The following SLC25A36 variants were observed in gnomAD, a reference collection of about 807,000 sequenced individuals.
SLC25A36 encodes the protein epididymis secretory sperm binding protein.
A neutral mutation model predicts 35.3 loss-of-function variants in SLC25A36; 24 were observed. The observed-to-expected ratio is 0.68, with a 90% CI of 0.49 to 0.96. The LOEUF (loss-of-function observed/expected upper bound fraction) is 0.96, where lower values mean the gene tolerates loss of function less well. SLC25A36 is among the 40% of genes least tolerant of loss of function. SLC25A36 has a pLI of 0.00. For missense variants in SLC25A36, 294 were observed against 381.1 expected (o/e 0.77, Z 1.90); for synonymous variants, 141 against 132.2 (o/e 1.07, Z -0.46).
chr3:140,948,462 G>A (rs1934228363), intron 1 of SLC25A36, among the ~76,000 whole-genome samples: 1 of 152,048 alleles, frequency 6.6e-6, no homozygotes, highest in Non-Finnish European at 1.5e-5. Context: ...GATTACAAGC[G>A]TGAGCCACCG....
At position 140,965,465 on chromosome 3, in the gene SLC25A36, C is replaced by T. The variant is rs376474102; in HGVS notation, c.385+2238C>T. ...TGATACTGCCTGCAAGATTTTAACACACCAGATAGCACACACATTAAGGAT... is the reference window on the plus strand; with the variant it reads ...TGATACTGCCTGCAAGATTTTAACATACCAGATAGCACACACATTAAGGAT... On this transcript the variant is annotated intron_variant, in intron 4 of 6. Coordinates refer to ENST00000324194, the MANE Select transcript of SLC25A36 (RefSeq NM_001104647.3). 5.3e-5 allele frequency: 8 copies of T among 151,904 alleles called. No individual in the cohort carries two copies. In the East Asian group the frequency reaches 1.4e-3, roughly 26 times the overall value. The allele number at this position is 151,904 out of a possible 1,614,324, so 9.4% of individuals were successfully genotyped here.
Position 140,976,933 on chromosome 3 carries a change from T to A in SLC25A36, c.*480T>A, listed in dbSNP as rs1435404644. On this transcript the variant is annotated 3_prime_UTR_variant, in exon 7 of 7. Transcript: ENST00000324194. ...TTCCCTGAGAGGACCTGGCACAATA[T>A]TTTAAATTTAATTATTTGGCAGTAG... 1 of 152,246 alleles carries A rather than the reference T, an allele frequency of 6.6e-6. No individual in the cohort carries two copies. The highest frequency in any genetic ancestry group is 1.5e-5 in the Non-Finnish European group (1 of 68,076). 9.4% of individuals were successfully genotyped at this position (152,246 alleles called of 1,614,324 possible).
intron 1 of SLC25A36, among the ~76,000 whole-genome samples, chr3:140,943,592 A>G (rs1934081413): frequency 1.3e-5 from 2 of 152,212 alleles, no homozygotes; most frequent in South Asian, 2.1e-4. Flanking sequence ...AATTAGATCT[A>G]TAACCCTGAA....
intron 1 of SLC25A36, among the ~76,000 whole-genome samples, chr3:140,945,185 G>T (rs1283427156): frequency 6.6e-6 from 1 of 152,186 alleles, no homozygotes; most frequent in East Asian, 1.9e-4. Context: ...CGTAGTAGGA[G>T]AGGCTAGCCA....
At chr3:140,974,032 AAATATTTTC>A in intron 6 of SLC25A36, 27 bp downstream of exon 6, 1 of 1,479,874 alleles carries the variant, frequency 6.8e-7, no homozygotes, top group Non-Finnish European at 9.1e-7. Context: ...ATTAAATCAG[AAATATTTTC>A]CCACCCCAGC....
rs1210330890 is a variant in SLC25A36 at position 140,979,546 on chromosome 3, G to T, written c.*3093G>T. 6.6e-6 allele frequency: 1 copy of T among 152,064 alleles called. No individual in the cohort carries two copies. The highest frequency in any genetic ancestry group is 1.5e-5 in the Non-Finnish European group (1 of 67,990). 9.4% of individuals were successfully genotyped at this position (152,064 alleles called of 1,614,324 possible). ...CCTAAGAATATAGGTATTTCTGAAT[G>T]ATTTAAATTTGAGGAATTTTAATAC... On this transcript the variant is annotated 3_prime_UTR_variant, in exon 7 of 7. Coordinates refer to ENST00000324194, the MANE Select transcript of SLC25A36 (RefSeq NM_001104647.3).
intron 6 of SLC25A36, 30 bp from the exon 7 acceptor site, chr3:140,976,230 A>G (rs974507129): frequency 2.2e-6 from 3 of 1,393,130 alleles, no homozygotes; most frequent in Admixed American, 3.7e-5. Flanking sequence ...AGATATCAGT[A>G]ATGTTTAATT....
intron 4 of SLC25A36, chr3:140,967,118 AG>A: frequency 2.2e-6 from 1 of 449,026 alleles, no homozygotes; most frequent in Non-Finnish European, 4.5e-6. Context: ...TGGAATTAGA[AG>A]GCGGGAAATT....
intron 1 of SLC25A36, among the ~76,000 whole-genome samples, chr3:140,955,721 C>A (rs954042497): frequency 1.5e-4 from 23 of 152,038 alleles, no homozygotes; most frequent in African/African-American, 5.6e-4. Flanking sequence ...GAGACAGGGT[C>A]TCACTCTGTT....
rs1282239425 is a variant in SLC25A36 at position 140,968,381 on chromosome 3, T to C, written c.386-2546T>C. ...AAAGAGCTAGCTCTCATTGGGAGAG[T>C]TGAGCCAGAGCAACCATAGTAAACA... On this transcript the variant is annotated intron_variant, in intron 4 of 6. Coordinates refer to ENST00000324194, the MANE Select transcript of SLC25A36 (RefSeq NM_001104647.3). The C allele has an allele frequency of 6.6e-6, 6 of 906,518 alleles. No homozygotes were observed. The African/African-American group carries it at 7.2e-5, about 11-fold the overall frequency. 56.2% of individuals were successfully genotyped at this position (906,518 alleles called of 1,614,324 possible).
At chr3:140,957,611 C>A (rs963683319) in intron 2 of SLC25A36, among the ~76,000 whole-genome samples, 1 of 151,888 alleles carries the variant, frequency 6.6e-6, no homozygotes, top group East Asian at 1.9e-4. Flanking sequence ...TGTGGTGGTG[C>A]GCACCTGTAA....
At chr3:140,947,870 AGT>A (rs1437326930) in intron 1 of SLC25A36, among the ~76,000 whole-genome samples, 1 of 152,248 alleles carries the variant, frequency 6.6e-6, no homozygotes, top group Non-Finnish European at 1.5e-5. Flanking sequence ...TAGTTATACA[AGT>A]GTACTACCAG....
In SLC25A36 at chr3:140,942,035, G is replaced by A; in HGVS notation, c.-20G>A. 1 of 1,433,140 alleles carries A rather than the reference G, an allele frequency of 7.0e-7. No homozygotes were observed. Among genetic ancestry groups the A allele is most frequent in the Non-Finnish European group, 9.5e-7 (1 of 1,051,348 alleles). 88.8% of individuals were successfully genotyped at this position (1,433,140 alleles called of 1,614,324 possible). A position where few individuals can be genotyped will look rare whatever the true frequency, so the allele number is the denominator to read the frequency against. ...GATCCGCGTCCCGCCTCAGCGGCCG[G>A]AGGACATGCGGGAGAGAGAATGAGC... On this transcript the variant is annotated 5_prime_UTR_variant, in exon 1 of 7. Transcript: ENST00000324194.
Position 140,977,354 on chromosome 3 carries a change from T to C in SLC25A36, c.*901T>C, listed in dbSNP as rs551651045. 1 of 152,318 alleles carries C rather than the reference T, an allele frequency of 6.6e-6. No individual in the cohort carries two copies. The highest frequency in any genetic ancestry group is 2.1e-4 in the South Asian group (1 of 4,830). 9.4% of individuals were successfully genotyped at this position (152,318 alleles called of 1,614,324 possible). A position where few individuals can be genotyped will look rare whatever the true frequency, so the allele number is the denominator to read the frequency against. On this transcript the variant is annotated 3_prime_UTR_variant, in exon 7 of 7. Coordinates refer to ENST00000324194, the MANE Select transcript of SLC25A36 (RefSeq NM_001104647.3). Reference sequence around the variant, plus strand: ...GCTTTCACATTAAGAATTTGAACTTTTGAGTTTTTTCCAGGTCTATATATA... The same window carrying C: ...GCTTTCACATTAAGAATTTGAACTTCTGAGTTTTTTCCAGGTCTATATATA...
intron 3 of SLC25A36, 34 bp downstream of exon 3, chr3:140,959,574 AT>A: frequency 9.1e-7 from 1 of 1,094,328 alleles, no homozygotes; most frequent in Non-Finnish European, 1.3e-6. Context: ...AAAGCAAGTT[AT>A]GGCAATCTCT....
At chr3:140,954,904 G>A (rs1259011955) in intron 1 of SLC25A36, among the ~76,000 whole-genome samples, 4 of 152,166 alleles carry the variant, frequency 2.6e-5, no homozygotes, top group African/African-American at 9.6e-5. Flanking sequence ...CATATAAGAA[G>A]TCTGTGCCTA....
Position 140,978,963 on chromosome 3 carries a change from CTT to C in SLC25A36, c.*2515_*2516del, listed in dbSNP as rs1935122572. ...ACTTGTTTTCATCTGTTTATCATGA[CTT>C]TTTTATTTCTGGTGTAGAGTCCACA... is the stretch of plus-strand genomic sequence containing the variant. On this transcript the variant is annotated 3_prime_UTR_variant, in exon 7 of 7. Transcript: ENST00000324194. 6.6e-6 allele frequency: 1 copy of C among 152,090 alleles called. No homozygotes were observed. Among genetic ancestry groups the C allele is most frequent in the Non-Finnish European group, 1.5e-5 (1 of 68,000 alleles). 9.4% of individuals were successfully genotyped at this position (152,090 alleles called of 1,614,324 possible).
In SLC25A36 at chr3:140,963,199, A is replaced by G; in HGVS notation, c.357A>G (p.Gln119=). The change falls in exon 4 of 7, where the codon CAA becomes CAG. Residue 119 remains glutamine (Q), a synonymous_variant. Coordinates refer to ENST00000324194, the MANE Select transcript of SLC25A36 (RefSeq NM_001104647.3). Reference sequence around the variant, plus strand: ...ATGTATTTGATCCTGATTCTACCCAAGTACATATGATTTCAGCTGCAATGG... The same window carrying G: ...ATGTATTTGATCCTGATTCTACCCAGGTACATATGATTTCAGCTGCAATGG... ...LNDVFDPDST[Q]VHMISAAMAG... 1 of 1,592,142 alleles carries G rather than the reference A, an allele frequency of 6.3e-7. No individual in the cohort carries two copies. The highest frequency in any genetic ancestry group is 1.2e-5 in the South Asian group (1 of 86,168).
In SLC25A36 at chr3:140,976,483, AG is replaced by A; in HGVS notation, c.*31del. On this transcript the variant is annotated 3_prime_UTR_variant, in exon 7 of 7. Coordinates refer to ENST00000324194, the MANE Select transcript of SLC25A36 (RefSeq NM_001104647.3). ...ACGAGGACTGCTGTACTGCAAAAAA[AG>A]AAGACCAAAAGATTACAGTGGACCA... 6.4e-7 allele frequency: 1 copy of A among 1,562,602 alleles called. No individual in the cohort carries two copies. The highest frequency in any genetic ancestry group is 1.2e-5 in the South Asian group (1 of 82,916).
Sources: gnomAD v4.1 joint callset for allele counts (sites outside exome capture counted in the v4.1 genomes callset) on GRCh38, gnomAD v4.1.1 for gene constraint, MANE v1.5 for transcripts, NCBI Gene and HGNC (gene_info 2026-07-23, HGNC 2026-07-21) for gene names.